The following RRP15 variants were observed in gnomAD, a reference collection of about 807,000 sequenced individuals.
RRP15 encodes the protein ribosomal RNA processing 15 homolog, also known as RRP15-like protein.
In RRP15, 18 loss-of-function variants were observed where a neutral mutation model predicts 27.1. The observed-to-expected ratio is 0.66, with a 90% CI of 0.46 to 0.98. The LOEUF is 0.98. Ranked by LOEUF, RRP15 falls within the 50% of genes least tolerant of loss-of-function variation. RRP15 has a pLI of 0.00. For synonymous variants in RRP15, 107 were observed against 109.4 expected, an observed-to-expected ratio of 0.98 and a Z score of 0.14; for missense variants, 359 against 337.8, an observed-to-expected ratio of 1.06 and a Z score of -0.49.
chr1:218,307,396 T>G, intron 3 of RRP15, 35 bp from the exon 4 acceptor site: 1 of 1,557,678 alleles, frequency 6.4e-7, no homozygotes, highest in Non-Finnish European at 8.8e-7. Flanking sequence ...GGGTAATTAT[T>G]TAATACATCA....
chr1:218,315,463 T>C (rs1045758062), intron 4 of RRP15, among the ~76,000 whole-genome samples: 74 of 152,146 alleles, frequency 4.9e-4, no homozygotes, highest in Admixed American at 3.1e-3. Context: ...GATCTCACTC[T>C]GTCGCCCAGG....
rs1655531866 is a variant in RRP15, at chr1:218,285,545, G to C, written c.139+90G>C. ...GCGCTTGCGACTTCATTTGCTGCTA[G>C]CCACCTGGGTTTTATCTTGGCACCA... On this transcript the variant is annotated intron_variant, in intron 1 of 4. Coordinates refer to ENST00000366932, the MANE Select transcript of RRP15 (RefSeq NM_016052.4). 3.8e-6 allele frequency: 6 copies of C among 1,561,640 alleles called. No individual in the cohort carries two copies. The South Asian group carries it at 6.8e-5, about 18-fold the overall frequency.
At chr1:218,296,541 G>C (rs1003892805) in intron 1 of RRP15, among the ~76,000 whole-genome samples, 1 of 151,932 alleles carries the variant, frequency 6.6e-6, no homozygotes, top group African/African-American at 2.4e-5. Flanking sequence ...AGCTACTTGG[G>C]AGGCTGAAAG....
chr1:218,330,736 A>G (rs1181818267), intron 4 of RRP15, among the ~76,000 whole-genome samples: 1 of 152,120 alleles, frequency 6.6e-6, no homozygotes, highest in Non-Finnish European at 1.5e-5. Context: ...TCCATACAAT[A>G]TTTTATTAAT....
chr1:218,299,343 G>C (rs1282825761), intron 1 of RRP15, among the ~76,000 whole-genome samples: 1 of 152,082 alleles, frequency 6.6e-6, no homozygotes, highest in Non-Finnish European at 1.5e-5. Context: ...GTGAGTGCAG[G>C]TTGTATAAAA....
At chr1:218,311,410 A>G (rs1264643988) in intron 4 of RRP15, among the ~76,000 whole-genome samples, 6 of 152,308 alleles carry the variant, frequency 3.9e-5, no homozygotes, top group Non-Finnish European at 8.8e-5. Context: ...ATATACAATA[A>G]TAATACTTAC....
intron 4 of RRP15, among the ~76,000 whole-genome samples, chr1:218,325,368 A>G (rs938416883): frequency 1.6e-4 from 25 of 152,008 alleles, no homozygotes; most frequent in African/African-American, 5.3e-4. Context: ...CCATCTGTTT[A>G]TGGAGAACAT....
intron 1 of RRP15, among the ~76,000 whole-genome samples, chr1:218,298,749 T>C (rs1655761507): frequency 6.6e-6 from 1 of 152,174 alleles, no homozygotes; most frequent in African/African-American, 2.4e-5. Context: ...AAAATAAAAA[T>C]TCAGTTCTTC....
At chr1:218,304,524 A>G (rs1655865509) in intron 2 of RRP15, among the ~76,000 whole-genome samples, 1 of 152,238 alleles carries the variant, frequency 6.6e-6, no homozygotes, top group Admixed American at 6.5e-5. Context: ...ATGGATTTAA[A>G]TGATTCTCTG....
At chr1:218,326,721 T>C (rs1656278489) in intron 4 of RRP15, among the ~76,000 whole-genome samples, 1 of 152,204 alleles carries the variant, frequency 6.6e-6, no homozygotes, top group African/African-American at 2.4e-5. Flanking sequence ...GGATTCAATA[T>C]CTGGTTGCTG....
intron 4 of RRP15, among the ~76,000 whole-genome samples, chr1:218,325,785 A>G (rs903045146): frequency 6.6e-6 from 1 of 151,882 alleles, no homozygotes; most frequent in Admixed American, 6.6e-5. Context: ...CCTCCTGTAC[A>G]TTTTTTCTCT....
At chr1:218,311,838 G>A (rs1395277881) in intron 4 of RRP15, among the ~76,000 whole-genome samples, 1 of 152,208 alleles carries the variant, frequency 6.6e-6, no homozygotes, top group African/African-American at 2.4e-5. Flanking sequence ...TTGGAAAAGG[G>A]TTTTTGCAGA....
chr1:218,331,151 C>T lies in RRP15; in HGVS notation c.*60C>T, dbSNP rs1293214803. The T allele has an allele frequency of 1.3e-6, 2 of 1,487,762 alleles. No individual in the cohort carries two copies. Among genetic ancestry groups the T allele is most frequent in the South Asian group, 1.3e-5 (1 of 76,494 alleles). The allele number at this position is 1,487,762 out of a possible 1,614,324, so 92.2% of individuals were successfully genotyped here. ...TTTTTCTAGAAAAATATGTCATCCTCTGATAGTTGGGGAATTATAAGGATA... is the reference window on the plus strand; with the variant it reads ...TTTTTCTAGAAAAATATGTCATCCTTTGATAGTTGGGGAATTATAAGGATA... On this transcript the variant is annotated 3_prime_UTR_variant, in exon 5 of 5. Transcript: ENST00000366932.
chr1:218,315,228 T>C (rs1330321369), intron 4 of RRP15, among the ~76,000 whole-genome samples: 2 of 152,180 alleles, frequency 1.3e-5, no homozygotes, highest in African/African-American at 4.8e-5. Context: ...AAATAATTAG[T>C]GGTGAGAATG....
chr1:218,289,213 T>C (rs1035407068), intron 1 of RRP15, among the ~76,000 whole-genome samples: 2 of 152,176 alleles, frequency 1.3e-5, no homozygotes, highest in African/African-American at 4.8e-5. Flanking sequence ...GGTAATGTGG[T>C]ATTTGTAAGC....
intron 1 of RRP15, among the ~76,000 whole-genome samples, chr1:218,292,754 A>T (rs1655666114): frequency 6.6e-6 from 1 of 152,218 alleles, no homozygotes; most frequent in Non-Finnish European, 1.5e-5. Context: ...TCTCAGGCTC[A>T]CATCTTGTCA....
chr1:218,311,861 A>C (rs1246275281), intron 4 of RRP15, among the ~76,000 whole-genome samples: 1 of 152,226 alleles, frequency 6.6e-6, no homozygotes. Context: ...CAGTTAAATT[A>C]ATGATCTTGA....
At chr1:218,289,593 C>T (rs1655602261) in intron 1 of RRP15, among the ~76,000 whole-genome samples, 2 of 152,254 alleles carry the variant, frequency 1.3e-5, no homozygotes, top group Non-Finnish European at 2.9e-5. Context: ...ACACAAGTGT[C>T]ATCCTTTAGT....
intron 2 of RRP15, among the ~76,000 whole-genome samples, chr1:218,302,948 A>G (rs558378686): frequency 1.3e-5 from 2 of 152,208 alleles, no homozygotes; most frequent in Admixed American, 6.5e-5. Context: ...ATTTTACAAT[A>G]GGAATCTGTG....
Sources: gnomAD v4.1 joint callset for allele counts (sites outside exome capture counted in the v4.1 genomes callset) on GRCh38, gnomAD v4.1.1 for gene constraint, MANE v1.5 for transcripts, NCBI Gene and HGNC (gene_info 2026-07-23, HGNC 2026-07-21) for gene names.